Variants in OBSL1 observed in about 807,000 individuals in gnomAD.
OBSL1 encodes the protein obscurin like cytoskeletal adaptor 1.
Under a neutral mutation model 172.0 loss-of-function variants are expected in OBSL1, and 160 were observed. The observed-to-expected ratio is 0.93, with a 90% confidence interval of 0.82 to 1.06. The LOEUF is 1.06. Ranked by LOEUF, OBSL1 falls within the 50% of genes least tolerant of loss-of-function variation. OBSL1 has a pLI of 0.00. For missense variants in OBSL1, 2,681 were observed against 2,715.4 expected, an observed-to-expected ratio of 0.99 and a Z score of 0.28; for synonymous variants, 1,200 against 1,196.3, an observed-to-expected ratio of 1.00 and a Z score of -0.06.
chr2:219,570,267 G>C lies in OBSL1; in HGVS notation c.966C>G (p.Arg322=). ...KDRGLYVCAA[R]NSAGQTLSAV... ...CACTGAGCGTCTGGCCCGCCGAGTT[G>C]CGCGCGGCGCAGACGTAGAGCCCAC... is the stretch of plus-strand genomic sequence containing the variant. The change falls in exon 1 of 21, where the codon CGC becomes CGG. Residue 322 remains arginine, a synonymous_variant. Coordinates refer to ENST00000404537, the MANE Select transcript of OBSL1 (RefSeq NM_015311.3). 1 of 1,598,048 alleles carries C rather than the reference G, an allele frequency of 6.3e-7. No individual in the cohort carries two copies. The highest frequency in any genetic ancestry group is 1.1e-5 in the South Asian group (1 of 89,710).
rs1182963392 is a variant in OBSL1, at chr2:219,567,924, C to A, written c.1328G>T (p.Gly443Val). The A allele has an allele frequency of 1.9e-6, 3 of 1,613,884 alleles. No homozygotes were observed. The East Asian group carries it at 6.7e-5, about 36-fold the overall frequency. Reference protein sequence around the residue: ...RLPRKLDVLEGENAVLLVETL... With the variant: ...RLPRKLDVLEVENAVLLVETL... Reference sequence around the variant, plus strand: ...TTCCACTAGCAGCACAGCATTCTCTCCTTCCAGGACGTCGAGCTTCCGGGG... The same window carrying A: ...TTCCACTAGCAGCACAGCATTCTCTACTTCCAGGACGTCGAGCTTCCGGGG... The change falls in exon 3 of 21, where the codon GGA becomes GTA. Residue 443 changes from glycine to valine, a missense_variant. By Grantham distance (109) the Gly-to-Val change is moderately radical. Coordinates refer to ENST00000404537, the MANE Select transcript of OBSL1 (RefSeq NM_015311.3).
intron 5 of OBSL1, 146 bp from the exon 6 acceptor site, chr2:219,565,660 C>T: frequency 1.3e-6 from 1 of 768,884 alleles, no homozygotes; most frequent in Non-Finnish European, 2.0e-6. Context: ...AGTGCTTTGG[C>T]TGTGCATAAG....
downstream of OBSL1, chr2:219,549,404 T>C (rs1695484356): frequency 6.3e-7 from 1 of 1,577,684 alleles, no homozygotes; most frequent in Non-Finnish European, 8.6e-7. Flanking sequence ...GTGTGGAAAC[T>C]CTTTCCAAAC....
intron 5 of OBSL1, among the ~76,000 whole-genome samples, chr2:219,565,918 T>G (rs911360071): frequency 1.1e-4 from 17 of 152,172 alleles, no homozygotes; most frequent in African/African-American, 3.4e-4. Flanking sequence ...TCTTACAAAC[T>G]CCAGCAATGG....
chr2:219,553,693 G>A lies in OBSL1; in HGVS notation c.4877-7C>T, dbSNP rs377217282. 130 of 1,606,232 alleles carry A rather than the reference G, an allele frequency of 8.1e-5. No homozygotes were observed. The highest frequency in any genetic ancestry group is 1.1e-4 in the Non-Finnish European group (124 of 1,173,830). On this transcript the variant is annotated splice_polypyrimidine_tract_variant and splice_region_variant and intron_variant, in intron 15 of 20. Transcript: ENST00000404537. ...ACGATGGTCACTGGGACCTCTGGGG[G>A]TGGGAGAGGGAGGACAGTGCAGAGG...
chr2:219,549,811 G>A (rs779089858), downstream of OBSL1: 38 of 1,613,946 alleles, frequency 2.4e-5, no homozygotes, highest in Admixed American at 3.3e-4. Context: ...TATGGGTCCC[G>A]GGGACCTCTG....
rs1038778819 is a variant in OBSL1 at position 219,571,267 on chromosome 2, G to T, written c.-35C>A. On this transcript the variant is annotated 5_prime_UTR_variant, in exon 1 of 21. Transcript: ENST00000404537. ...CGACCGCCTGCAGCGGCGAACGGTGGGGGGGCAGGGGGGGGTGCGGAGGGC... is the reference window on the plus strand; with the variant it reads ...CGACCGCCTGCAGCGGCGAACGGTGTGGGGGCAGGGGGGGGTGCGGAGGGC... 2 of 1,163,992 alleles carry T rather than the reference G, an allele frequency of 1.7e-6. No homozygotes were observed. Among genetic ancestry groups the T allele is most frequent in the East Asian group, 3.2e-5 (1 of 30,930 alleles). 72.1% of individuals were successfully genotyped at this position (1,163,992 alleles called of 1,614,324 possible).
rs376475182 is a variant in OBSL1 at position 219,568,302 on chromosome 2, C to A, written c.1035G>T (p.Arg345=). 1 of 1,606,018 alleles carries A rather than the reference C, an allele frequency of 6.2e-7. No homozygotes were observed. ...CACGGCCCTCCACGTCCTGCAGGGG[C>A]CGTGTGAACCGGAGGCGGGGCTCTG... ...HVKEPRLRFT[R]PLQDVEGREH... is the part of the protein sequence containing the mutation. Residue 345 remains arginine (R), a synonymous_variant, in exon 2 of 21, where the codon CGG becomes CGT. Transcript: ENST00000404537. The surrounding 1 kb of genome is among the most constrained non-coding windows in gnomAD (Gnocchi z 4.1).
Position 219,556,283 on chromosome 2 carries a change from A to T in OBSL1, c.4346T>A (p.Leu1449Gln). Residue 1449 changes from leucine (L) to glutamine (Q), a missense_variant, in exon 14 of 21, where the codon CTG (leucine) becomes CAG (glutamine). This residue lies in a region of OBSL1 where 1,765 missense variants were observed against 1,748.3 expected (regional missense o/e 1.01). Coordinates refer to ENST00000404537, the MANE Select transcript of OBSL1 (RefSeq NM_015311.3). ...ATCCTGCAACCGCCGTAGGAACAGCAGCTCTGTCTCTGGTGGGGAAGAAGG... is the reference window on the plus strand; with the variant it reads ...ATCCTGCAACCGCCGTAGGAACAGCTGCTCTGTCTCTGGTGGGGAAGAAGG... ...SARLHVRETE[L>Q]LFLRRLQDVR... 1.3e-6 allele frequency: 2 copies of T among 1,583,084 alleles called. No homozygotes were observed. Among genetic ancestry groups the T allele is most frequent in the Non-Finnish European group, 1.7e-6 (2 of 1,161,286 alleles).
intron 6 of OBSL1, 28 bp from the exon 7 acceptor site, chr2:219,563,655 A>G: frequency 6.2e-7 from 1 of 1,601,564 alleles, no homozygotes. Context: ...ATGGCATTGC[A>G]CAGACACCCC....
At chr2:219,550,537 A>AT, downstream of OBSL1, 1 of 447,866 alleles carries the variant, frequency 2.2e-6, no homozygotes. Flanking sequence ...TGTCTCCCCC[A>AT]CCCCACTCTG....
At chr2:219,553,517 G>T (rs2106013019) in intron 16 of OBSL1, 57 bp downstream of exon 16, 1 of 1,206,470 alleles carries the variant, frequency 8.3e-7, no homozygotes, top group Non-Finnish European at 1.2e-6. Flanking sequence ...TTCTGTCTGG[G>T]GCATTATTAT....
In OBSL1 at chr2:219,571,397, C is replaced by G. The variant is rs886055672; in HGVS notation, c.-165G>C. 2.7e-6 allele frequency: 1 copy of G among 373,270 alleles called. No individual in the cohort carries two copies. Among genetic ancestry groups the G allele is most frequent in the East Asian group, 4.4e-5 (1 of 22,506 alleles). 23.1% of individuals were successfully genotyped at this position (373,270 alleles called of 1,614,324 possible). On this transcript the variant is annotated 5_prime_UTR_variant, in exon 1 of 21. Coordinates refer to ENST00000404537, the MANE Select transcript of OBSL1 (RefSeq NM_015311.3). ...CGCTCCCGGCTCGCCTCCTTACCCT[C>G]GGCCCCGAGCTGCAGCTCTGCGGCG...
In OBSL1 at chr2:219,554,613, C is replaced by T. The variant is rs1389322795; in HGVS notation, c.4737G>A (p.Leu1579=). The T allele has an allele frequency of 1.9e-6, 3 of 1,612,932 alleles. No homozygotes were observed. The highest frequency in any genetic ancestry group is 1.1e-5 in the South Asian group (1 of 91,004). The change falls in exon 15 of 21, where the codon CTG becomes CTA. Residue 1579 remains leucine (L), a synonymous_variant. Transcript: ENST00000404537. ...GGATGTGACACTTGGGTCCTGGATA[C>T]AGCTGTACTCCACCCCGGGCCCACT... is the stretch of plus-strand genomic sequence containing the variant. The part of the protein sequence containing the change: ...TGEWARGGVQ[L]YPGPKCHIHS...
intron 8 of OBSL1, among the ~76,000 whole-genome samples, chr2:219,560,786 C>T (rs1696406322): frequency 6.6e-6 from 1 of 152,204 alleles, no homozygotes; most frequent in East Asian, 1.9e-4. Flanking sequence ...CCTCTGGGGC[C>T]GAGCAAGGCC....
chr2:219,550,804 A>G lies in OBSL1; in HGVS notation c.*31T>C. ...AGGGCAAACGCCTTCCAAGCTGTCC[A>G]AGGGCACCCGCCTGGCCTGGTTAGG... is the stretch of plus-strand genomic sequence containing the variant. On this transcript the variant is annotated 3_prime_UTR_variant, in exon 21 of 21. Coordinates refer to ENST00000404537, the MANE Select transcript of OBSL1 (RefSeq NM_015311.3). 6.2e-7 allele frequency: 1 copy of G among 1,609,074 alleles called. No homozygotes were observed. The highest frequency in any genetic ancestry group is 1.3e-5 in the African/African-American group (1 of 74,952).
rs748312907 is a variant in OBSL1 at position 219,562,665 on chromosome 2, G to C, written c.2690C>G (p.Ser897Trp). 1 of 1,550,370 alleles carries C rather than the reference G, an allele frequency of 6.5e-7. No individual in the cohort carries two copies. The highest frequency in any genetic ancestry group is 1.4e-5 in the African/African-American group (1 of 73,216). ...CTTGCCGCTGGGATACACGATCCAC[G>C]AGGAGACGTCTGGAGGACAGGGACA... ...YFTVTITDVS[S>W]WIVYPSGKVY... The change falls in exon 8 of 21, where the codon TCG (serine) becomes TGG (tryptophan). Residue 897 changes from serine (S) to tryptophan (W), a missense_variant. Coordinates refer to ENST00000404537, the MANE Select transcript of OBSL1 (RefSeq NM_015311.3).
chr2:219,567,789 G>T lies in OBSL1; in HGVS notation c.1463C>A (p.Thr488Asn), dbSNP rs1356054760. The T allele has an allele frequency of 6.2e-7, 1 of 1,613,938 alleles. No individual in the cohort carries two copies. Among genetic ancestry groups the T allele is most frequent in the Admixed American group, 1.7e-5 (1 of 60,012 alleles). The stretch of plus-strand genomic sequence containing the variant: ...GGTGACCTCGCCAGCATCCTCTCGG[G>T]TGACCCCTGGAAGGACCAGGGCATG... ...HMHALVLPGVTREDAGEVTFS... is the reference protein window; with the variant it reads ...HMHALVLPGVNREDAGEVTFS... Residue 488 changes from threonine (T) to asparagine (N), a missense_variant, in exon 3 of 21, where the codon ACC becomes AAC. Thr to Asn is a moderately conservative substitution (Grantham distance 65). Around this residue, in one of 5 missense-constraint regions of OBSL1, gnomAD observed 706 missense variants for 695.8 expected, o/e 1.01. Coordinates refer to ENST00000404537, the MANE Select transcript of OBSL1 (RefSeq NM_015311.3).
Position 219,557,334 on chromosome 2 carries a change from C to A in OBSL1, c.4066+9G>T. Reference sequence around the variant, plus strand: ...CACAGCCCACAGGGTGTGAGGGGTACACTGTTACCTTCCACGCTGACAAGG... The same window carrying A: ...CACAGCCCACAGGGTGTGAGGGGTAAACTGTTACCTTCCACGCTGACAAGG... On this transcript the variant is annotated intron_variant, in intron 12 of 20. Coordinates refer to ENST00000404537, the MANE Select transcript of OBSL1 (RefSeq NM_015311.3). 1 of 1,482,282 alleles carries A rather than the reference C, an allele frequency of 6.7e-7. No homozygotes were observed. The highest frequency in any genetic ancestry group is 9.0e-7 in the Non-Finnish European group (1 of 1,110,868). The allele number at this position is 1,482,282 out of a possible 1,614,324, so 91.8% of individuals were successfully genotyped here.
Sources: allele counts gnomAD v4.1 joint callset (sites outside exome capture counted in the v4.1 genomes callset), GRCh38; gene constraint gnomAD v4.1.1; regional missense constraint gnomAD v4.1.1; non-coding constraint Gnocchi (gnomAD v3.1); transcripts MANE v1.5; gene names NCBI Gene and HGNC (gene_info 2026-07-23, HGNC 2026-07-21).